The following HECW1 variants were observed in gnomAD, a reference collection of about 807,000 sequenced individuals.
The protein encoded by HECW1 is E3 ubiquitin-protein ligase HECW1.
A neutral mutation model predicts 182.3 loss-of-function variants in HECW1; 61 were observed. The observed-to-expected ratio is 0.33, with a 90% confidence interval of 0.27 to 0.41. The LOEUF is 0.41. HECW1 is among the 10% of genes least tolerant of loss of function. The pLI is 1.00. For synonymous variants in HECW1, 859 were observed against 832.6 expected, an observed-to-expected ratio of 1.03 and a Z score of -0.55; for missense variants, 1,739 against 2,108.9, an observed-to-expected ratio of 0.82 and a Z score of 3.44.
intron 21 of HECW1, among the ~76,000 whole-genome samples, chr7:43,504,087 A>C (rs1448664266): frequency 1.3e-5 from 2 of 152,096 alleles, no homozygotes; most frequent in East Asian, 1.9e-4. Context: ...GTCATCTACC[A>C]ACCTTTTTCT....
chr7:43,114,878 G>A (rs1784919390), intron 2 of HECW1, among the ~76,000 whole-genome samples: 1 of 152,162 alleles, frequency 6.6e-6, no homozygotes, highest in Non-Finnish European at 1.5e-5. Context: ...TGTTATTTGT[G>A]TATATAGCAT....
intron 3 of HECW1, among the ~76,000 whole-genome samples, chr7:43,263,393 C>G (rs1801398026): frequency 6.6e-6 from 1 of 152,188 alleles, no homozygotes; most frequent in Non-Finnish European, 1.5e-5. Flanking sequence ...TGGAGTCTCA[C>G]TCTGTCACTC....
chr7:43,472,392 T>C (rs2078057067), intron 16 of HECW1, among the ~76,000 whole-genome samples: 2 of 152,240 alleles, frequency 1.3e-5, no homozygotes. Context: ...ATTGTCTGTT[T>C]CTTGTGGCAG....
At chr7:43,206,286 G>C (rs962164156) in intron 2 of HECW1, among the ~76,000 whole-genome samples, 1 of 152,208 alleles carries the variant, frequency 6.6e-6, no homozygotes, top group African/African-American at 2.4e-5. Context: ...GGAGTCAAGA[G>C]GATCTTCCGG....
chr7:43,339,274 C>T (rs1475638643), intron 5 of HECW1, among the ~76,000 whole-genome samples: 1 of 152,124 alleles, frequency 6.6e-6, no homozygotes, highest in Non-Finnish European at 1.5e-5. Context: ...TCCCTCTGTT[C>T]CTTTTTCTCT....
chr7:43,463,843 G>A, intron 14 of HECW1, 44 bp downstream of exon 14: 4 of 1,602,838 alleles, frequency 2.5e-6, no homozygotes, highest in Non-Finnish European at 3.4e-6. Context: ...GCTTTCAGGG[G>A]CTGTGTGACA....
intron 8 of HECW1, among the ~76,000 whole-genome samples, chr7:43,409,435 T>C (rs1313572116): frequency 6.6e-6 from 1 of 152,254 alleles, no homozygotes; most frequent in Non-Finnish European, 1.5e-5. Flanking sequence ...GAGGAACCTG[T>C]TCTAAGACAT....
At chr7:43,240,640 A>C (rs1798794776) in intron 2 of HECW1, among the ~76,000 whole-genome samples, 1 of 152,170 alleles carries the variant, frequency 6.6e-6, no homozygotes, top group South Asian at 2.1e-4. Context: ...ATTTTTAATA[A>C]TCCTAACTCT....
intron 8 of HECW1, among the ~76,000 whole-genome samples, chr7:43,436,703 C>T (rs1330848285): frequency 6.6e-6 from 1 of 152,188 alleles, no homozygotes; most frequent in Non-Finnish European, 1.5e-5. Context: ...TGGATGTATA[C>T]GTGCAGATCA....
At chr7:43,248,267 G>C (rs997225522) in intron 3 of HECW1, among the ~76,000 whole-genome samples, 1 of 152,042 alleles carries the variant, frequency 6.6e-6, no homozygotes, top group African/African-American at 2.4e-5. Context: ...ACACAGAATG[G>C]GCATTGTTAC....
At chr7:43,152,561 A>G (rs1789454629) in intron 2 of HECW1, among the ~76,000 whole-genome samples, 1 of 152,046 alleles carries the variant, frequency 6.6e-6, no homozygotes, top group African/African-American at 2.4e-5. Flanking sequence ...TTATAAGGGT[A>G]CAATATTGCT....
chr7:43,457,876 G>C (rs1042418943), intron 13 of HECW1, among the ~76,000 whole-genome samples: 21 of 152,144 alleles, frequency 1.4e-4, no homozygotes, highest in Admixed American at 9.8e-4. Context: ...AAAATCACCA[G>C]AACATTTTTT....
intron 24 of HECW1, among the ~76,000 whole-genome samples, chr7:43,531,031 C>T (rs549350636): frequency 6.6e-6 from 1 of 152,226 alleles, no homozygotes; most frequent in East Asian, 1.9e-4. Flanking sequence ...CTATCTCTCT[C>T]CACAACCTTA....
At chr7:43,251,989 T>G (rs1800084549) in intron 3 of HECW1, among the ~76,000 whole-genome samples, 1 of 152,142 alleles carries the variant, frequency 6.6e-6, no homozygotes. Flanking sequence ...TGGCTTGACT[T>G]GTAAGAATCT....
intron 2 of HECW1, among the ~76,000 whole-genome samples, chr7:43,138,443 G>A (rs1209088428): frequency 6.6e-6 from 1 of 152,180 alleles, no homozygotes; most frequent in African/African-American, 2.4e-5. Context: ...GAACCACCGG[G>A]TGGTTTTCTT....
At chr7:43,499,947 C>A (rs915052078) in intron 19 of HECW1, among the ~76,000 whole-genome samples, 1 of 152,154 alleles carries the variant, frequency 6.6e-6, no homozygotes, top group Non-Finnish European at 1.5e-5. Flanking sequence ...CTTGACTGAC[C>A]TGGGAGACTG....
chr7:43,477,300 CAA>C (rs1563029660), intron 16 of HECW1, among the ~76,000 whole-genome samples: 4 of 152,022 alleles, frequency 2.6e-5, no homozygotes, highest in Non-Finnish European at 4.4e-5. Context: ...TAACTTTAAC[CAA>C]GTAATTAATT....
chr7:43,338,207 G>T (rs779758950), intron 5 of HECW1, among the ~76,000 whole-genome samples: 5 of 152,126 alleles, frequency 3.3e-5, no homozygotes, highest in Non-Finnish European at 5.9e-5. Context: ...ACACTGCTGG[G>T]ATACCCTGCC....
chr7:43,355,724 G>A (rs1253982085), intron 5 of HECW1, among the ~76,000 whole-genome samples: 1 of 152,164 alleles, frequency 6.6e-6, no homozygotes, highest in East Asian at 1.9e-4. Flanking sequence ...AGGCACAGTA[G>A]CTCATGCCTG....
Sources: gnomAD v4.1 joint callset for allele counts (sites outside exome capture counted in the v4.1 genomes callset) on GRCh38, gnomAD v4.1.1 for gene constraint, MANE v1.5 for transcripts, NCBI Gene and HGNC (gene_info 2026-07-23, HGNC 2026-07-21) for gene names.